Variants in GPHN observed in about 807,000 individuals in gnomAD.
The protein encoded by GPHN is gephyrin.
In GPHN, 17 loss-of-function variants were observed where a neutral mutation model predicts 95.5. The ratio of observed to expected loss-of-function variants is 0.18; its 90% CI spans 0.12 to 0.27. GPHN has a LOEUF of 0.27. Among genes scored for constraint, GPHN ranks in the 10% least tolerant of loss-of-function variants. The pLI is 1.00. For missense variants in GPHN, 660 were observed against 978.1 expected, an observed-to-expected ratio of 0.67 and a Z score of 4.34; for synonymous variants, 320 against 322.5, an observed-to-expected ratio of 0.99 and a Z score of 0.08.
the GPHN span, chr14:67,199,447 C>A: frequency 1.9e-6 from 3 of 1,613,132 alleles, no homozygotes; most frequent in South Asian, 2.2e-5. Context: ...TCTTACAAAC[C>A]CCCAAGATTA....
At chr14:66,711,904 T>C (rs1353329436) in intron 2 of GPHN, among the ~76,000 whole-genome samples, 1 of 152,172 alleles carries the variant, frequency 6.6e-6, no homozygotes, top group Admixed American at 6.5e-5. Flanking sequence ...TCCATGTCCC[T>C]GCAAAGGACA....
At chr14:66,667,978 C>T (rs944090231) in intron 1 of GPHN, among the ~76,000 whole-genome samples, 2 of 152,016 alleles carry the variant, frequency 1.3e-5, no homozygotes, top group South Asian at 2.1e-4. Context: ...GTGCAAAGGA[C>T]GTGGATACTT....
At chr14:67,696,666 C>A in the GPHN span, among the ~76,000 whole-genome samples, 1 of 152,096 alleles carries the variant, frequency 6.6e-6, no homozygotes, top group African/African-American at 2.4e-5. Flanking sequence ...AGTATTTAAT[C>A]CTGTCTTGAA....
chr14:66,583,910 C>T (rs1293004583), intron 1 of GPHN, among the ~76,000 whole-genome samples: 1 of 151,796 alleles, frequency 6.6e-6, no homozygotes, highest in African/African-American at 2.4e-5. Flanking sequence ...TAGTTTTTTC[C>T]AATTCTGTGA....
the GPHN span, among the ~76,000 whole-genome samples, chr14:67,288,280 C>T: frequency 6.6e-6 from 1 of 152,080 alleles, no homozygotes; most frequent in Non-Finnish European, 1.5e-5. Context: ...CGGGATTTTA[C>T]CATGTTGGCC....
intron 2 of GPHN, among the ~76,000 whole-genome samples, chr14:66,691,040 C>T (rs991714927): frequency 7.2e-5 from 11 of 152,060 alleles, no homozygotes; most frequent in African/African-American, 2.7e-4. Context: ...AGGCCTAAAC[C>T]TCATTTAAAA....
At chr14:67,693,539 G>A in the GPHN span, among the ~76,000 whole-genome samples, 10 of 150,880 alleles carry the variant, frequency 6.6e-5, no homozygotes, top group African/African-American at 1.2e-4. Flanking sequence ...ACACCCACAC[G>A]CATGCACATA....
chr14:67,623,421 T>G, the GPHN span, among the ~76,000 whole-genome samples: 1 of 152,158 alleles, frequency 6.6e-6, no homozygotes, highest in Non-Finnish European at 1.5e-5. Context: ...GGTGTTACCA[T>G]AGCATGAGTT....
At chr14:67,406,414 G>A in the GPHN span, among the ~76,000 whole-genome samples, 1 of 152,240 alleles carries the variant, frequency 6.6e-6, no homozygotes, top group Middle Eastern at 3.4e-3. Flanking sequence ...CAGTCTTCCT[G>A]GTTGTGTGGA....
At chr14:66,640,674 A>G (rs2064344343) in intron 1 of GPHN, among the ~76,000 whole-genome samples, 1 of 152,162 alleles carries the variant, frequency 6.6e-6, no homozygotes, top group Admixed American at 6.5e-5. Flanking sequence ...GATTTAATAC[A>G]GGCTTTCAAG....
chr14:67,401,842 A>G, the GPHN span, among the ~76,000 whole-genome samples: 2 of 152,072 alleles, frequency 1.3e-5, no homozygotes, highest in Non-Finnish European at 2.9e-5. Context: ...ATACAAATAC[A>G]GGCCGGCGCG....
At position 66,824,512 on chromosome 14, in the gene GPHN, T is replaced by G; in HGVS notation, c.240T>G (p.Asn80Lys). ...ATTGGTGTGATGAAAAGGAACTTAATTTGATATTAACAACTGGAGGAACAG... is the reference window on the plus strand; with the variant it reads ...ATTGGTGTGATGAAAAGGAACTTAAGTTGATATTAACAACTGGAGGAACAG... ...LIDWCDEKEL[N>K]LILTTGGTGF... Residue 80 changes from asparagine (N) to lysine (K), a missense_variant, in exon 4 of 23, where the codon AAT becomes AAG. This residue lies in a region of GPHN where 71 missense variants were observed against 130.8 expected (regional missense o/e 0.54). Transcript: ENST00000478722. The G allele has an allele frequency of 6.3e-7, 1 of 1,595,946 alleles. No homozygotes were observed. The highest frequency in any genetic ancestry group is 1.1e-5 in the South Asian group (1 of 90,646).
chr14:66,785,696 A>G (rs977872631), intron 3 of GPHN, among the ~76,000 whole-genome samples: 2 of 151,262 alleles, frequency 1.3e-5, no homozygotes, highest in African/African-American at 4.8e-5. Context: ...TCCTCTGACC[A>G]TAATGGAACC....
chr14:66,915,547 T>G (rs758971034), intron 5 of GPHN, among the ~76,000 whole-genome samples: 2 of 152,216 alleles, frequency 1.3e-5, no homozygotes, highest in African/African-American at 2.4e-5. Context: ...CATTCACTTG[T>G]GAAAAACCTT....
chr14:67,399,391 G>A, the GPHN span, among the ~76,000 whole-genome samples: 9 of 126,556 alleles, frequency 7.1e-5, no homozygotes, highest in East Asian at 7.2e-4. Context: ...AGAGAAGGGT[G>A]GTTTAGGTGG....
chr14:67,315,197 T>C, the GPHN span, among the ~76,000 whole-genome samples: 1 of 152,290 alleles, frequency 6.6e-6, no homozygotes, highest in South Asian at 2.1e-4. Flanking sequence ...TTGTAATGTT[T>C]TACATTTTTA....
intron 2 of GPHN, among the ~76,000 whole-genome samples, chr14:66,727,300 A>G (rs2071336764): frequency 6.6e-6 from 1 of 152,206 alleles, no homozygotes; most frequent in Non-Finnish European, 1.5e-5. Flanking sequence ...GTATGTCTTT[A>G]TCAACAGCAT....
chr14:66,941,471 A>T lies in GPHN; in HGVS notation c.828+17179A>T, dbSNP rs149880168. Among the ~76,000 whole-genome samples, 1,015 of 152,262 alleles carry T rather than the reference A, an allele frequency of 6.7e-3. 15 individuals are homozygous for T. The highest frequency in any genetic ancestry group is 0.023 in the African/African-American group (967 of 41,548). On this transcript the variant is annotated intron_variant, in intron 8 of 22. Coordinates refer to ENST00000478722, the MANE Select transcript of GPHN (RefSeq NM_020806.5). ...TTGTAGCCTCAAATACCTGTGAGTT[A>T]GGTGATCCTCTCCTCTTAAGGTCCC...
intron 1 of GPHN, among the ~76,000 whole-genome samples, chr14:66,556,506 T>C (rs2060012687): frequency 6.6e-6 from 1 of 152,106 alleles, no homozygotes; most frequent in African/African-American, 2.4e-5. Context: ...AAACTAAGGG[T>C]ATGGAAATAG....
Sources: allele counts gnomAD v4.1 joint callset (sites outside exome capture counted in the v4.1 genomes callset), GRCh38; gene constraint gnomAD v4.1.1; regional missense constraint gnomAD v4.1.1; transcripts MANE v1.5; gene names NCBI Gene and HGNC (gene_info 2026-07-23, HGNC 2026-07-21).